Variants in KIF1B observed in about 807,000 individuals in gnomAD.
KIF1B encodes the protein kinesin family member 1B, also known as kinesin-like protein KIF1B.
In KIF1B, 76 loss-of-function variants were observed where a neutral mutation model predicts 241.9. The observed-to-expected ratio is 0.31, with a 90% CI of 0.26 to 0.38. The LOEUF (loss-of-function observed/expected upper bound fraction) is 0.38. Among genes scored for constraint, KIF1B ranks in the 10% least tolerant of loss-of-function variants. The pLI is 1.00. For missense variants in KIF1B, 1,622 were observed against 2,271.4 expected, an observed-to-expected ratio of 0.71 and a Z score of 5.81; for synonymous variants, 750 against 796.7, an observed-to-expected ratio of 0.94 and a Z score of 0.99.
chr1:10,263,103 C>T (rs958676825), intron 5 of KIF1B, among the ~76,000 whole-genome samples: 10 of 151,848 alleles, frequency 6.6e-5, no homozygotes, highest in Non-Finnish European at 1.3e-4. Flanking sequence ...GCCAACCTGG[C>T]AAAACCCTGT....
At chr1:10,283,459 G>T (rs1413938300) in intron 15 of KIF1B, among the ~76,000 whole-genome samples, 1 of 152,154 alleles carries the variant, frequency 6.6e-6, no homozygotes, top group African/African-American at 2.4e-5. Context: ...CCAGCCCCTT[G>T]CTGGCTCTGT....
chr1:10,264,939 G>A (rs1648366460), intron 5 of KIF1B, among the ~76,000 whole-genome samples: 1 of 152,150 alleles, frequency 6.6e-6, no homozygotes, highest in Non-Finnish European at 1.5e-5. Context: ...GGGATTATAG[G>A]CGTGAGCCAC....
At chr1:10,272,452 T>C (rs1435948670) in intron 9 of KIF1B, 146 bp downstream of exon 9, 13 of 700,264 alleles carry the variant, frequency 1.9e-5, no homozygotes, top group Non-Finnish European at 3.4e-5. Context: ...TCAGATAAGA[T>C]ACTAGGTATA....
chr1:10,257,113 T>G (rs115410994), intron 3 of KIF1B, among the ~76,000 whole-genome samples: 1,727 of 151,922 alleles, frequency 0.011, 17 homozygotes, highest in Non-Finnish European at 0.017. Flanking sequence ...ATTGTTTTTT[T>G]TTTGTTTGTT....
chr1:10,260,592 T>C (rs1278757375), intron 4 of KIF1B, among the ~76,000 whole-genome samples: 2 of 152,164 alleles, frequency 1.3e-5, no homozygotes, highest in Non-Finnish European at 2.9e-5. Context: ...AGCCCCAGCA[T>C]GGTGGCTCAT....
chr1:10,264,164 G>A (rs1238519498), intron 5 of KIF1B, among the ~76,000 whole-genome samples: 1 of 152,066 alleles, frequency 6.6e-6, no homozygotes, highest in East Asian at 1.9e-4. Flanking sequence ...TACTCATCAT[G>A]TTCTAACATG....
At chr1:10,289,731 A>G (rs1252403534) in intron 15 of KIF1B, among the ~76,000 whole-genome samples, 1 of 152,116 alleles carries the variant, frequency 6.6e-6, no homozygotes, top group Admixed American at 6.5e-5. Context: ...TAAAAATACA[A>G]AAACTTGCCG....
At chr1:10,219,865 C>T (rs747434537) in intron 1 of KIF1B, among the ~76,000 whole-genome samples, 5 of 151,946 alleles carry the variant, frequency 3.3e-5, no homozygotes, top group Admixed American at 1.3e-4. Context: ...CCCAATAGTT[C>T]GGTATCAGCC....
At chr1:10,361,599 A>G in intron 39 of KIF1B, 93 bp from the exon 40 acceptor site, 1 of 1,507,792 alleles carries the variant, frequency 6.6e-7, no homozygotes, top group Non-Finnish European at 9.1e-7. Flanking sequence ...CAGTTCTCAC[A>G]ACTGGGACTC....
chr1:10,253,928 A>G (rs1361238396), intron 2 of KIF1B, among the ~76,000 whole-genome samples: 2 of 152,220 alleles, frequency 1.3e-5, no homozygotes, highest in Non-Finnish European at 2.9e-5. Context: ...AGAACTAAGC[A>G]CCGTAGCAAC....
chr1:10,294,550 G>GT (rs972829018), intron 17 of KIF1B, among the ~76,000 whole-genome samples: 4 of 152,024 alleles, frequency 2.6e-5, no homozygotes, highest in Non-Finnish European at 4.4e-5. Context: ...ATTAGGTCTT[G>GT]TTTTTTTATC....
At position 10,244,662 on chromosome 1, in the gene KIF1B, G is replaced by A. The variant is rs569085017; in HGVS notation, c.107-11585G>A. The stretch of plus-strand genomic sequence containing the variant: ...GAGTCTTGCTCTGTCGCCCAGGCTG[G>A]AGTGCAGTGGCGTGATCTCTGCTCA... On this transcript the variant is annotated intron_variant, in intron 2 of 48. Coordinates refer to ENST00000676179, the MANE Select transcript of KIF1B (RefSeq NM_001365951.3). Among the ~76,000 whole-genome samples, 380 of 146,970 alleles carry A rather than the reference G, an allele frequency of 2.6e-3. 2 individuals are homozygous for A. Among genetic ancestry groups the A allele is most frequent in the African/African-American group, 9.1e-3 (363 of 39,814 alleles).
chr1:10,253,270 AC>A (rs1391446722), intron 2 of KIF1B, among the ~76,000 whole-genome samples: 2 of 151,958 alleles, frequency 1.3e-5, no homozygotes, highest in African/African-American at 2.4e-5. Flanking sequence ...AACTTATTTA[AC>A]CTCTCTGTGA....
intron 1 of KIF1B, among the ~76,000 whole-genome samples, chr1:10,218,302 GT>G (rs1016110671): frequency 1.1e-4 from 16 of 151,892 alleles, no homozygotes; most frequent in African/African-American, 2.7e-4. Flanking sequence ...TACTCATTTT[GT>G]TTTTTTCTTC....
intron 10 of KIF1B, among the ~76,000 whole-genome samples, chr1:10,273,612 CT>C (rs1648920223): frequency 6.9e-6 from 1 of 145,134 alleles, no homozygotes; most frequent in South Asian, 2.2e-4. Context: ...GATTGTGTGT[CT>C]GTGGGTAGAG....
Position 10,374,180 on chromosome 1 carries a change from GCT to G in KIF1B, c.4947-131_4947-130del, listed in dbSNP as rs938828671. ...GAAGCCAGCTTGTCTCCTCAGCTGA[GCT>G]CTCTGCAACTCAAGTTTGCAGCTGG... On this transcript the variant is annotated intron_variant, in intron 45 of 48. Transcript: ENST00000676179. This position sits in a 1 kb window ranked among gnomAD's most constrained non-coding sequence, Gnocchi z 4.3. 5.7e-6 allele frequency: 5 copies of G among 878,148 alleles called. No individual in the cohort carries two copies. In the African/African-American group the frequency reaches 8.3e-5, roughly 14 times the overall value. The allele number at this position is 878,148 out of a possible 1,614,324, so 54.4% of individuals were successfully genotyped here.
At chr1:10,255,005 G>A (rs1423830031) in intron 2 of KIF1B, among the ~76,000 whole-genome samples, 1 of 151,534 alleles carries the variant, frequency 6.6e-6, no homozygotes, top group Non-Finnish European at 1.5e-5. Flanking sequence ...CTGGAGTGCA[G>A]TGCATTAATA....
At chr1:10,325,748 G>A (rs1170739985) in intron 26 of KIF1B, among the ~76,000 whole-genome samples, 1 of 152,148 alleles carries the variant, frequency 6.6e-6, no homozygotes, top group East Asian at 1.9e-4. Context: ...AGTAAAGACT[G>A]AAAGCCTTCT....
intron 40 of KIF1B, among the ~76,000 whole-genome samples, chr1:10,362,585 T>C (rs1472693693): frequency 2.0e-5 from 3 of 151,748 alleles, no homozygotes; most frequent in East Asian, 1.9e-4. Flanking sequence ...ACTAATACAA[T>C]AGAAGGTATT....
Sources: gnomAD v4.1 joint callset for allele counts (sites outside exome capture counted in the v4.1 genomes callset) on GRCh38, gnomAD v4.1.1 for gene constraint, Gnocchi (gnomAD v3.1) non-coding constraint, MANE v1.5 for transcripts, NCBI Gene and HGNC (gene_info 2026-07-23, HGNC 2026-07-21) for gene names.